The following GRIP1 variants were observed in gnomAD, a reference collection of about 807,000 sequenced individuals.
GRIP1 encodes the protein glutamate receptor interacting protein 1.
In GRIP1, 45 loss-of-function variants were observed where a neutral mutation model predicts 129.9. The observed-to-expected ratio is 0.35, with a 90% CI of 0.27 to 0.44. The LOEUF (loss-of-function observed/expected upper bound fraction) is 0.44. Ranked by LOEUF, GRIP1 falls within the 20% of genes least tolerant of loss-of-function variation. GRIP1 has a pLI of 1.00. For missense variants in GRIP1, 1,196 were observed against 1,396.8 expected (o/e 0.86, Z 2.29); for synonymous variants, 530 against 520.8 (o/e 1.02, Z -0.24).
intron 1 of GRIP1, among the ~76,000 whole-genome samples, chr12:66,759,963 T>A (rs1205674082): frequency 6.6e-6 from 1 of 152,004 alleles, no homozygotes; most frequent in Non-Finnish European, 1.5e-5. Context: ...CACGCCATTC[T>A]CCTGCCTCAG....
intron 23 of GRIP1, among the ~76,000 whole-genome samples, chr12:66,358,824 G>T (rs1288382376): frequency 6.6e-6 from 1 of 152,118 alleles, no homozygotes; most frequent in African/African-American, 2.4e-5. Context: ...AATAGTGAGA[G>T]AAGGGAAAAA....
At chr12:66,746,516 C>T (rs966929507) in intron 1 of GRIP1, among the ~76,000 whole-genome samples, 1 of 152,150 alleles carries the variant, frequency 6.6e-6, no homozygotes, top group Non-Finnish European at 1.5e-5. Flanking sequence ...GGAAATTGTG[C>T]ATGCTACAAA....
intron 6 of GRIP1, among the ~76,000 whole-genome samples, chr12:66,517,464 T>C (rs1414184552): frequency 6.6e-6 from 1 of 152,144 alleles, no homozygotes; most frequent in Non-Finnish European, 1.5e-5. Flanking sequence ...TTGAGAATGG[T>C]AAGAATCTCA....
intron 13 of GRIP1, among the ~76,000 whole-genome samples, chr12:66,437,705 T>G (rs1267370020): frequency 6.6e-6 from 1 of 152,118 alleles, no homozygotes; most frequent in Non-Finnish European, 1.5e-5. Context: ...TGAAGAAGAC[T>G]AAATTGTGCT....
chr12:67,061,612 C>A (rs1360819865), intron 1 of GRIP1, among the ~76,000 whole-genome samples: 1 of 152,148 alleles, frequency 6.6e-6, no homozygotes, highest in Non-Finnish European at 1.5e-5. Context: ...AAATACAGTA[C>A]AACCATTCCC....
intron 1 of GRIP1, among the ~76,000 whole-genome samples, chr12:66,828,199 G>T (rs547583877): frequency 1.3e-5 from 2 of 152,276 alleles, no homozygotes; most frequent in South Asian, 4.1e-4. Context: ...TTATAGAATT[G>T]CAGGCCTTGT....
At chr12:66,401,491 A>G (rs1001102664) in intron 16 of GRIP1, among the ~76,000 whole-genome samples, 3 of 151,680 alleles carry the variant, frequency 2.0e-5, no homozygotes, top group African/African-American at 4.9e-5. Flanking sequence ...AGGCAGGAGA[A>G]TCAGTTGAAC....
intron 1 of GRIP1, among the ~76,000 whole-genome samples, chr12:66,792,713 A>G (rs1400468725): frequency 1.3e-5 from 2 of 152,138 alleles, no homozygotes; most frequent in African/African-American, 4.8e-5. Flanking sequence ...AACTTTACAA[A>G]GTAAAAACTA....
At chr12:67,065,106 T>C (rs1327927495) in intron 1 of GRIP1, 2 of 152,098 alleles carry the variant, frequency 1.3e-5, no homozygotes, top group Non-Finnish European at 1.5e-5. Context: ...GGCTGCATAG[T>C]ATTCTCATAG....
At chr12:66,394,930 A>C (rs563669656) in intron 16 of GRIP1, among the ~76,000 whole-genome samples, 3 of 152,234 alleles carry the variant, frequency 2.0e-5, no homozygotes, top group African/African-American at 7.2e-5. Flanking sequence ...ATATCATTCC[A>C]CTGACTGTCT....
chr12:66,738,789 A>G (rs1319328429), intron 1 of GRIP1, among the ~76,000 whole-genome samples: 3 of 152,206 alleles, frequency 2.0e-5, no homozygotes, highest in Admixed American at 1.3e-4. Context: ...TATGGAGAAT[A>G]AAGGCGACTC....
intron 1 of GRIP1, among the ~76,000 whole-genome samples, chr12:66,846,136 G>C (rs1470040383): frequency 6.6e-6 from 1 of 152,148 alleles, no homozygotes; most frequent in African/African-American, 2.4e-5. Flanking sequence ...CATCTTTGGT[G>C]ATTACTATCA....
intron 1 of GRIP1, among the ~76,000 whole-genome samples, chr12:67,029,506 G>T (rs1427364439): frequency 6.7e-6 from 1 of 149,270 alleles, no homozygotes; most frequent in Non-Finnish European, 1.5e-5. Flanking sequence ...CTGAGCCCAG[G>T]ATTTTGAGGT....
intron 2 of GRIP1, among the ~76,000 whole-genome samples, chr12:66,576,101 T>C (rs2063130145): frequency 6.6e-6 from 1 of 152,230 alleles, no homozygotes; most frequent in African/African-American, 2.4e-5. Flanking sequence ...ACCTCTGGGA[T>C]ATGTCCTGGC....
intron 1 of GRIP1, among the ~76,000 whole-genome samples, chr12:66,961,377 A>G (rs1214290820): frequency 6.6e-6 from 1 of 152,168 alleles, no homozygotes; most frequent in African/African-American, 2.4e-5. Context: ...ATCACTTTAC[A>G]TAGAAAAAAG....
At chr12:66,429,506 G>T (rs2058083527) in intron 14 of GRIP1, among the ~76,000 whole-genome samples, 2 of 151,986 alleles carry the variant, frequency 1.3e-5, no homozygotes, top group Non-Finnish European at 2.9e-5. Flanking sequence ...AGACCAGCCT[G>T]GGCAACACAG....
intron 1 of GRIP1, among the ~76,000 whole-genome samples, chr12:66,685,199 C>T (rs1444270743): frequency 1.3e-5 from 2 of 152,160 alleles, no homozygotes; most frequent in African/African-American, 2.4e-5. Context: ...ATGGGTTCTT[C>T]CTCCTAACTC....
At chr12:66,811,828 G>A (rs2039110310) in intron 1 of GRIP1, among the ~76,000 whole-genome samples, 2 of 152,068 alleles carry the variant, frequency 1.3e-5, no homozygotes, top group South Asian at 4.1e-4. Context: ...TTGGCTACAG[G>A]AACATTTTCT....
chr12:66,900,516 C>G (rs1262370334), intron 1 of GRIP1, among the ~76,000 whole-genome samples: 1 of 152,098 alleles, frequency 6.6e-6, no homozygotes, highest in African/African-American at 2.4e-5. Flanking sequence ...CTTAAGCCAC[C>G]CAGTCTTAGC....
Sources: gnomAD v4.1 joint callset for allele counts (sites outside exome capture counted in the v4.1 genomes callset) on GRCh38, gnomAD v4.1.1 for gene constraint, MANE v1.5 for transcripts, NCBI Gene and HGNC (gene_info 2026-07-23, HGNC 2026-07-21) for gene names.